RTN4IP1: variants seen among roughly 807,000 people sequenced by gnomAD.
The protein encoded by RTN4IP1 is reticulon 4 interacting protein 1, also known as NAD(P)H oxidoreductase RTN4IP1, mitochondrial.
Under a neutral mutation model 46.6 loss-of-function variants are expected in RTN4IP1, and 32 were observed. The observed-to-expected ratio is 0.69, with a 90% confidence interval of 0.52 to 0.92. The LOEUF is 0.92. Among genes scored for constraint, RTN4IP1 ranks in the 40% least tolerant of loss-of-function variants. The probability of loss-of-function intolerance (pLI) is 0.00; values close to 1 mark genes in which losing one functional copy is unlikely to be tolerated. For missense variants in RTN4IP1, 424 were observed against 485.8 expected (o/e 0.87, Z 1.20); for synonymous variants, 167 against 161.8 (o/e 1.03, Z -0.24).
chr6:106,611,016 G>A (rs1263400410), intron 4 of RTN4IP1, among the ~76,000 whole-genome samples: 1 of 150,982 alleles, frequency 6.6e-6, no homozygotes, highest in Non-Finnish European at 1.5e-5. Context: ...GTAATCTTAT[G>A]AGGTAGGGCG....
At position 106,605,214 on chromosome 6, in the gene RTN4IP1, T is replaced by A. The variant is rs538716535; in HGVS notation, c.621-2292A>T. Among the ~76,000 whole-genome samples, 4 of 152,058 alleles carry A rather than the reference T, an allele frequency of 2.6e-5. No homozygotes were observed. In the East Asian group the frequency reaches 5.8e-4, roughly 22 times the overall value. ...ACATTGGGAAGCCGAGGCAGGCAGA[T>A]CATGAGGGCAAGAGATCGAGAACAT... On this transcript the variant is annotated intron_variant, in intron 4 of 8. Coordinates refer to ENST00000369063, the MANE Select transcript of RTN4IP1 (RefSeq NM_032730.5).
chr6:106,603,747 C>G (rs1039130438), intron 4 of RTN4IP1, among the ~76,000 whole-genome samples: 1 of 152,204 alleles, frequency 6.6e-6, no homozygotes, highest in Non-Finnish European at 1.5e-5. Context: ...CAAAAAACTG[C>G]TTTCCATGCT....
chr6:106,623,086 T>C, intron 1 of RTN4IP1, 117 bp from the exon 2 acceptor site: 1 of 989,492 alleles, frequency 1.0e-6, no homozygotes, highest in Non-Finnish European at 1.5e-6. Context: ...TATAAATCAT[T>C]CCATTACAAA....
rs758318370 is a variant in RTN4IP1 at position 106,587,735 on chromosome 6, C to T, written c.934G>A (p.Gly312Ser). The T allele has an allele frequency of 2.9e-5, 46 of 1,613,712 alleles. No individual in the cohort carries two copies. In the South Asian group the frequency reaches 4.8e-4, roughly 17 times the overall value. The change falls in exon 7 of 9, where the codon GGC (glycine) becomes AGC (serine). Residue 312 changes from glycine to serine, a missense_variant. Physicochemically the swap from Gly to Ser is moderately conservative, Grantham distance 56. Coordinates refer to ENST00000369063, the MANE Select transcript of RTN4IP1 (RefSeq NM_032730.5). ...GTCTGCAACATGCCATCTGCTATGC[C>T]CAATCGGTCCATGTTCAGGAGGAAA... ...TPFLLNMDRLGIADGMLQTGV... is the reference protein window; with the variant it reads ...TPFLLNMDRLSIADGMLQTGV...
chr6:106,612,559 C>T (rs67817955), intron 4 of RTN4IP1, among the ~76,000 whole-genome samples: 34,917 of 151,888 alleles, frequency 0.23, 4,618 homozygotes, highest in East Asian at 0.3. Context: ...ATGTTAGATA[C>T]GAGTTCTAAA....
rs1490817576 is a variant in RTN4IP1 at position 106,621,462 on chromosome 6, C to T, written c.458G>A (p.Gly153Asp). 6.2e-7 allele frequency: 1 copy of T among 1,613,920 alleles called. No individual in the cohort carries two copies. ...GACTACAACAAACTCTGAAAGAGTG[C>T]CTTGTTTCCAAGGAGGAACTGCAGC... ...VWAAVPPWKQ[G>D]TLSEFVVVSG... The change falls in exon 3 of 9, where the codon GGC becomes GAC. Residue 153 changes from glycine (G) to aspartate (D), a missense_variant. Gly to Asp is a moderately conservative substitution (Grantham distance 94, BLOSUM62 -1). Coordinates refer to ENST00000369063, the MANE Select transcript of RTN4IP1 (RefSeq NM_032730.5).
chr6:106,573,392 T>C (rs1007189246), intron 8 of RTN4IP1, among the ~76,000 whole-genome samples: 3 of 152,204 alleles, frequency 2.0e-5, no homozygotes, highest in Non-Finnish European at 4.4e-5. Flanking sequence ...CTGATGAAAC[T>C]TCCTCTTGGA....
At chr6:106,601,072 T>C (rs557921681) in intron 5 of RTN4IP1, among the ~76,000 whole-genome samples, 2 of 152,306 alleles carry the variant, frequency 1.3e-5, no homozygotes, top group African/African-American at 4.8e-5. Context: ...TTCTAATTTA[T>C]TTACATCTTT....
chr6:106,601,485 C>T (rs1775947011), intron 5 of RTN4IP1, among the ~76,000 whole-genome samples: 2 of 152,138 alleles, frequency 1.3e-5, no homozygotes, highest in African/African-American at 2.4e-5. Context: ...GCCAAATCTA[C>T]AATCATGAAG....
At chr6:106,577,757 A>G (rs999277325) in intron 8 of RTN4IP1, among the ~76,000 whole-genome samples, 2 of 152,058 alleles carry the variant, frequency 1.3e-5, no homozygotes, top group Non-Finnish European at 2.9e-5. Context: ...TTATAAGGGG[A>G]AGGCAGGAGG....
intron 8 of RTN4IP1, among the ~76,000 whole-genome samples, chr6:106,578,143 A>C (rs936788500): frequency 2.0e-5 from 3 of 152,210 alleles, no homozygotes; most frequent in African/African-American, 7.2e-5. Flanking sequence ...CAAGATACTG[A>C]GAAATACAAG....
rs372106088 is a variant in RTN4IP1, at chr6:106,583,356, T to G, written c.1055A>C (p.Asp352Ala). The part of the protein sequence containing the change: ...FFMASGPCLD[D>A]IAELVDAGKI... ...TCCCGCATCCACCAGTTCTGCAATG[T>G]CATCTAAACATGGGCCACTGGCCAT... The change falls in exon 8 of 9, where the codon GAC becomes GCC. Residue 352 changes from aspartate (D) to alanine (A), a missense_variant. Coordinates refer to ENST00000369063, the MANE Select transcript of RTN4IP1 (RefSeq NM_032730.5). 2.5e-6 allele frequency: 4 copies of G among 1,613,658 alleles called. No individual in the cohort carries two copies. The highest frequency in any genetic ancestry group is 3.4e-6 in the Non-Finnish European group (4 of 1,179,774).
chr6:106,591,990 T>C (rs562165940), intron 6 of RTN4IP1, among the ~76,000 whole-genome samples, 174 bp downstream of exon 6: 1 of 152,166 alleles, frequency 6.6e-6, no homozygotes, highest in Admixed American at 6.5e-5. Flanking sequence ...TGTGTTGTAT[T>C]AACATCTGGA....
intron 6 of RTN4IP1, among the ~76,000 whole-genome samples, chr6:106,589,193 AGGAGGAGGGAGGGG>A (rs1775570106): frequency 3.6e-4 from 1 of 2,762 alleles, no homozygotes; most frequent in Non-Finnish European, 7.5e-4. Flanking sequence ...AGGAGGGAGG[AGGAGGAGGGAGGGG>A]GAGGAGGGAG....
intron 4 of RTN4IP1, among the ~76,000 whole-genome samples, chr6:106,614,687 A>G (rs1239889592): frequency 6.6e-6 from 1 of 152,212 alleles, no homozygotes; most frequent in Non-Finnish European, 1.5e-5. Flanking sequence ...GGAAGTGTTC[A>G]ACAATGCCAG....
At position 106,570,963 on chromosome 6, in the gene RTN4IP1, C is replaced by T. The variant is rs1015266345; in HGVS notation, c.*1033G>A. The T allele has an allele frequency of 2.6e-5, 4 of 152,024 alleles. No homozygotes were observed. The highest frequency in any genetic ancestry group is 5.9e-5 in the Non-Finnish European group (4 of 68,006). The allele number at this position is 152,024 out of a possible 1,614,324, so 9.4% of individuals were successfully genotyped here. A position where few individuals can be genotyped will look rare whatever the true frequency, so the allele number is the denominator to read the frequency against. On this transcript the variant is annotated 3_prime_UTR_variant, in exon 9 of 9. Coordinates refer to ENST00000369063, the MANE Select transcript of RTN4IP1 (RefSeq NM_032730.5). ...TATATTAGGAAGTAAAAACACTTACCGTAAATGAATATTCGAAGTGCACAC... is the reference window on the plus strand; with the variant it reads ...TATATTAGGAAGTAAAAACACTTACTGTAAATGAATATTCGAAGTGCACAC...
chr6:106,607,478 C>A (rs1449855144), intron 4 of RTN4IP1, among the ~76,000 whole-genome samples: 1 of 151,988 alleles, frequency 6.6e-6, no homozygotes, highest in Non-Finnish European at 1.5e-5. Context: ...CTACAACCAA[C>A]AAGGGACTAC....
intron 7 of RTN4IP1, among the ~76,000 whole-genome samples, chr6:106,584,358 T>C (rs1775437446): frequency 1.3e-5 from 2 of 152,196 alleles, no homozygotes; most frequent in African/African-American, 4.8e-5. Flanking sequence ...ATGGGAGCAA[T>C]GTGAGGTAGC....
chr6:106,605,345 G>T (rs1275206033), intron 4 of RTN4IP1, among the ~76,000 whole-genome samples: 4 of 151,502 alleles, frequency 2.6e-5, no homozygotes, highest in Non-Finnish European at 5.9e-5. Flanking sequence ...AGAATCGTTT[G>T]AACCCAAGAG....
Sources: allele counts gnomAD v4.1 joint callset (sites outside exome capture counted in the v4.1 genomes callset), GRCh38; gene constraint gnomAD v4.1.1; transcripts MANE v1.5; gene names NCBI Gene and HGNC (gene_info 2026-07-23, HGNC 2026-07-21).